The following NUP155 variants were observed in gnomAD, a reference collection of about 807,000 sequenced individuals.
NUP155 encodes the protein nuclear pore complex protein Nup155.
A neutral mutation model predicts 180.4 loss-of-function variants in NUP155; 71 were observed. The observed-to-expected ratio is 0.39, with a 90% CI of 0.33 to 0.48. The LOEUF is 0.48. NUP155 is among the 20% of genes least tolerant of loss of function. The pLI, the probability that NUP155 is intolerant of heterozygous loss-of-function variation, is 0.91. For synonymous variants in NUP155, 582 were observed against 559.5 expected, an observed-to-expected ratio of 1.04 and a Z score of -0.57; for missense variants, 1,553 against 1,648.9, an observed-to-expected ratio of 0.94 and a Z score of 1.01.
rs112744847 is a variant in NUP155 at position 37,368,624 on chromosome 5, A to C, written c.157+2197T>G. On this transcript the variant is annotated intron_variant, in intron 1 of 34. Transcript: ENST00000231498. Reference sequence around the variant, plus strand: ...CACATGAGGTCAGGAGATCAAGACCAACCTGGCCAACACGGTGAAACCCTG... The same window carrying C: ...CACATGAGGTCAGGAGATCAAGACCCACCTGGCCAACACGGTGAAACCCTG... Among the ~76,000 whole-genome samples, 1,107 of 152,118 alleles carry C rather than the reference A, an allele frequency of 7.3e-3. 18 individuals are homozygous for C. Among genetic ancestry groups the C allele is most frequent in the African/African-American group, 0.025 (1,042 of 41,498 alleles).
chr5:37,364,155 T>C (rs889824798), intron 2 of NUP155, 92 bp downstream of exon 2: 7 of 1,179,380 alleles, frequency 5.9e-6, no homozygotes, highest in Admixed American at 1.9e-5. Flanking sequence ...TAAATGAATA[T>C]ATAACACATT....
chr5:37,369,798 A>T (rs1286168267), intron 1 of NUP155, among the ~76,000 whole-genome samples: 1 of 152,180 alleles, frequency 6.6e-6, no homozygotes, highest in African/African-American at 2.4e-5. Flanking sequence ...GCTCACCAAC[A>T]ATCTTTTCTT....
rs574868762 is a variant in NUP155 at position 37,360,789 on chromosome 5, G to T, written c.393-2638C>A. Among the ~76,000 whole-genome samples, 200 of 150,500 alleles carry T rather than the reference G, an allele frequency of 1.3e-3. 4 individuals are homozygous for T. In the South Asian group the frequency reaches 0.04, roughly 30 times the overall value. ...CAACGGAATGAGATAAAAAAAAAGGGGGGGGGGTCCAGGCGCAGTGGCTTA... is the reference window on the plus strand; with the variant it reads ...CAACGGAATGAGATAAAAAAAAAGGTGGGGGGGTCCAGGCGCAGTGGCTTA... On this transcript the variant is annotated intron_variant, in intron 3 of 34. Transcript: ENST00000231498.
chr5:37,367,514 C>T (rs977456918), intron 1 of NUP155, among the ~76,000 whole-genome samples: 1 of 151,138 alleles, frequency 6.6e-6, no homozygotes, highest in Non-Finnish European at 1.5e-5. Flanking sequence ...CGAGCCCAGC[C>T]AAACAGCATT....
rs375786815 is a variant in NUP155, at chr5:37,329,237, G to C, written c.1766C>G (p.Pro589Arg). ...GATGGGACCAACATTACTTGGAGGC[G>C]GAAGAGTGGTTGGAAATCTCATCTG... ...EAQMRFPTTL[P>R]PPSNVGPILG... Residue 589 changes from proline to arginine, a missense_variant, in exon 16 of 35, where the codon CCG becomes CGG. By Grantham distance (103) the Pro-to-Arg change is moderately radical. Transcript: ENST00000231498. 7 of 1,613,896 alleles carry C rather than the reference G, an allele frequency of 4.3e-6. No homozygotes were observed. The African/African-American group carries it at 8.0e-5, about 18-fold the overall frequency.
rs986848599 is a variant in NUP155, at chr5:37,289,420, C to G, written c.*2480G>C. On this transcript the variant is annotated 3_prime_UTR_variant, in exon 35 of 35. Coordinates refer to ENST00000231498, the MANE Select transcript of NUP155 (RefSeq NM_153485.3). The stretch of plus-strand genomic sequence containing the variant: ...CCACTGACTGCCAGGATCAGCATGA[C>G]ACTACAGATGGAACTCAAGAATCTG... 3.9e-5 allele frequency: 6 copies of G among 152,226 alleles called. No individual in the cohort carries two copies. Among genetic ancestry groups the G allele is most frequent in the Non-Finnish European group, 7.3e-5 (5 of 68,044 alleles). 9.4% of individuals were successfully genotyped at this position (152,226 alleles called of 1,614,324 possible). A position where few individuals can be genotyped will look rare whatever the true frequency, so the allele number is the denominator to read the frequency against.
intron 6 of NUP155, 26 bp from the exon 7 acceptor site, chr5:37,350,291 C>A: frequency 2.0e-6 from 3 of 1,483,280 alleles, no homozygotes; most frequent in Non-Finnish European, 2.8e-6. Flanking sequence ...AGAAAGACGA[C>A]TTATAAAAGT....
At chr5:37,335,833 T>TC (rs1311575505) in intron 12 of NUP155, among the ~76,000 whole-genome samples, 1 of 151,870 alleles carries the variant, frequency 6.6e-6, no homozygotes, top group Admixed American at 6.6e-5. Context: ...GTGCCTGTAG[T>TC]CCCAGCTACA....
At chr5:37,307,193 G>T (rs1374313801) in intron 25 of NUP155, 104 bp downstream of exon 25, 4 of 1,066,076 alleles carry the variant, frequency 3.8e-6, no homozygotes, top group Non-Finnish European at 1.3e-6. Context: ...GCAAGACTCT[G>T]TCTCAAAAAA....
At position 37,314,263 on chromosome 5, in the gene NUP155, C is replaced by G. The variant is rs776875260; in HGVS notation, c.2371G>C (p.Ala791Pro). Residue 791 changes from alanine to proline, a missense_variant, in exon 22 of 35, where the codon GCT (alanine) becomes CCT (proline). Transcript: ENST00000231498. The part of the protein sequence containing the change: ...IQQLVRKSYQ[A>P]LALWKLLCEH... ...CAAAGAAGTTTCCATAAAGCCAGAG[C>G]CTGATATGATTTTCGAACCAACTGC... 2 of 1,609,940 alleles carry G rather than the reference C, an allele frequency of 1.2e-6. No individual in the cohort carries two copies. Among genetic ancestry groups the G allele is most frequent in the Admixed American group, 1.7e-5 (1 of 59,994 alleles).
chr5:37,323,259 C>T (rs538420465), intron 20 of NUP155, among the ~76,000 whole-genome samples: 4 of 152,268 alleles, frequency 2.6e-5, no homozygotes, highest in East Asian at 3.9e-4. Flanking sequence ...TACTCCAGCA[C>T]GGGTGACAGA....
chr5:37,329,365 T>C lies in NUP155; in HGVS notation c.1725-87A>G, dbSNP rs948502277. ...GAATTGTTCCTTTTCCTGTTTAGCT[T>C]CCAAGTAAATGCTTTAAACATTAGA... On this transcript the variant is annotated intron_variant, in intron 15 of 34. Transcript: ENST00000231498. 78 of 989,950 alleles carry C rather than the reference T, an allele frequency of 7.9e-5. No homozygotes were observed. The Middle Eastern group carries it at 1.4e-3, about 18-fold the overall frequency. The allele number at this position is 989,950 out of a possible 1,614,324, so 61.3% of individuals were successfully genotyped here. A position where few individuals can be genotyped will look rare whatever the true frequency, so the allele number is the denominator to read the frequency against.
rs565163418 is a variant in NUP155, at chr5:37,312,881, A to AT, written c.2436+1316dup. Among the ~76,000 whole-genome samples the AT allele has an allele frequency of 9.2e-5, 14 of 152,024 alleles. No homozygotes were observed. In the East Asian group the frequency reaches 1.5e-3, roughly 17 times the overall value. Reference sequence around the variant, plus strand: ...ATTGTTGTTGTTCAAGGAACTGTCTATTTTTTTTAGAAACACAGTATCTTG... The same window carrying AT: ...ATTGTTGTTGTTCAAGGAACTGTCTATTTTTTTTTAGAAACACAGTATCTTG... On this transcript the variant is annotated intron_variant, in intron 22 of 34. Transcript: ENST00000231498.
At chr5:37,330,172 A>AATC in intron 14 of NUP155, 40 bp from the exon 15 acceptor site, 1 of 1,406,380 alleles carries the variant, frequency 7.1e-7, no homozygotes, top group Non-Finnish European at 1.0e-6. Context: ...ATTAAATACA[A>AATC]ATTTTAAAAT....
chr5:37,300,023 G>A (rs1581131029), intron 30 of NUP155, among the ~76,000 whole-genome samples: 1 of 136,338 alleles, frequency 7.3e-6, no homozygotes. Flanking sequence ...GTCTCCCCCC[G>A]CCAAAAAAAA....
At chr5:37,292,063 A>G (rs776016647) in intron 34 of NUP155, 25 bp from the exon 35 acceptor site, 12 of 1,612,686 alleles carry the variant, frequency 7.4e-6, no homozygotes, top group Non-Finnish European at 1.0e-5. Context: ...ACACATGATT[A>G]ATTATACATT....
At chr5:37,336,790 G>A (rs1745354296) in intron 12 of NUP155, among the ~76,000 whole-genome samples, 1 of 152,146 alleles carries the variant, frequency 6.6e-6, no homozygotes, top group Admixed American at 6.6e-5. Context: ...AAATTTGGTA[G>A]AGCTCAGGCA....
At chr5:37,361,981 G>A (rs557357847) in intron 3 of NUP155, among the ~76,000 whole-genome samples, 1 of 152,274 alleles carries the variant, frequency 6.6e-6, no homozygotes, top group Non-Finnish European at 1.5e-5. Flanking sequence ...TCTGCCATGT[G>A]AGGACAGAGT....
chr5:37,315,661 G>A (rs1743837756), intron 21 of NUP155, among the ~76,000 whole-genome samples: 2 of 152,182 alleles, frequency 1.3e-5, no homozygotes, highest in Non-Finnish European at 2.9e-5. Context: ...TGCTGTGGCT[G>A]GCCAGGCGCA....
Sources: allele counts gnomAD v4.1 joint callset (sites outside exome capture counted in the v4.1 genomes callset), GRCh38; gene constraint gnomAD v4.1.1; transcripts MANE v1.5; gene names NCBI Gene and HGNC (gene_info 2026-07-23, HGNC 2026-07-21).